The following PCDHGB7 variants were observed in gnomAD, a reference collection of about 807,000 sequenced individuals.
PCDHGB7 encodes protocadherin gamma subfamily B, 7.
In PCDHGB7, 37 loss-of-function variants were observed where a neutral mutation model predicts 61.4. The observed-to-expected ratio is 0.60, with a 90% CI of 0.46 to 0.79. The LOEUF (loss-of-function observed/expected upper bound fraction) is 0.79. Ranked by LOEUF, PCDHGB7 falls within the 30% of genes least tolerant of loss-of-function variation. PCDHGB7 has a pLI of 0.00. For missense variants in PCDHGB7, 1,166 were observed against 1,202.5 expected, an observed-to-expected ratio of 0.97 and a Z score of 0.45; for synonymous variants, 464 against 503.5, an observed-to-expected ratio of 0.92 and a Z score of 1.05.
At position 141,431,215 on chromosome 5, in the gene PCDHGB7, C is replaced by G. The variant is rs1225114172; in HGVS notation, c.2415+10941C>G. 1 of 1,614,184 alleles carries G rather than the reference C, an allele frequency of 6.2e-7. No individual in the cohort carries two copies. Among genetic ancestry groups the G allele is most frequent in the Admixed American group, 1.7e-5 (1 of 60,032 alleles). On this transcript the variant is annotated intron_variant, in intron 1 of 3. Coordinates refer to ENST00000398594, the MANE Select transcript of PCDHGB7 (RefSeq NM_018927.4). This position sits in a 1 kb window ranked among gnomAD's most constrained non-coding sequence, Gnocchi z 4.8. ...AAAATGCAGCCACTGAGATGCGGTTCCCTCTACCCCACGCCTGGGATCCGG... is the reference window on the plus strand; with the variant it reads ...AAAATGCAGCCACTGAGATGCGGTTGCCTCTACCCCACGCCTGGGATCCGG...
chr5:141,463,438 CTTTTTTTTTTT>C (rs71576115), intron 1 of PCDHGB7, among the ~76,000 whole-genome samples: 7 of 103,256 alleles, frequency 6.8e-5, no homozygotes, highest in African/African-American at 1.8e-4. Flanking sequence ...TTTCCTTCTC[CTTTTTTTTTTT>C]TTTTTTTTTT....
At chr5:141,467,768 C>T (rs2099151160) in intron 1 of PCDHGB7, among the ~76,000 whole-genome samples, 2 of 151,794 alleles carry the variant, frequency 1.3e-5, no homozygotes, top group African/African-American at 2.4e-5. Flanking sequence ...CTCAAGTGCC[C>T]GCACCTCAGC....
intron 1 of PCDHGB7, among the ~76,000 whole-genome samples, chr5:141,471,014 G>A (rs2099246573): frequency 6.7e-6 from 1 of 148,628 alleles, no homozygotes; most frequent in Non-Finnish European, 1.5e-5. Context: ...ACTGTGCCTG[G>A]TCAATCATTT....
At chr5:141,439,077 C>T (rs978045948) in intron 1 of PCDHGB7, among the ~76,000 whole-genome samples, 1 of 151,492 alleles carries the variant, frequency 6.6e-6, no homozygotes, top group Non-Finnish European at 1.5e-5. Flanking sequence ...CCTGTAATCC[C>T]AGCTACTCAG....
At chr5:141,474,557 G>T (rs1261720500) in intron 1 of PCDHGB7, among the ~76,000 whole-genome samples, 2 of 152,184 alleles carry the variant, frequency 1.3e-5, no homozygotes, top group Admixed American at 1.3e-4. Context: ...AAAACTGGGG[G>T]TTTTCAGAGA....
chr5:141,457,809 C>A (rs1404645915), intron 1 of PCDHGB7, among the ~76,000 whole-genome samples: 1 of 152,180 alleles, frequency 6.6e-6, no homozygotes, highest in Non-Finnish European at 1.5e-5. Flanking sequence ...CTCTTGAGGT[C>A]CCAAGATAAA....
At chr5:141,510,447 C>T (rs1270073364) in intron 3 of PCDHGB7, among the ~76,000 whole-genome samples, 1 of 152,026 alleles carries the variant, frequency 6.6e-6, no homozygotes, top group Non-Finnish European at 1.5e-5. Flanking sequence ...CTCCAGGAGC[C>T]CATGGTCTAG....
chr5:141,427,871 G>A (rs762885351), intron 1 of PCDHGB7: 1 of 1,559,530 alleles, frequency 6.4e-7, no homozygotes, highest in South Asian at 1.1e-5. Flanking sequence ...TCGAGCTCAC[G>A]ATGCAGGCCC....
chr5:141,485,734 C>T lies in PCDHGB7; in HGVS notation c.2416-9073C>T. ...CACTGGATGTGAAGAAGCGCAGCGACGGCAGCCTGGTCCCAGAGCTGCTCC... is the reference window on the plus strand; with the variant it reads ...CACTGGATGTGAAGAAGCGCAGCGATGGCAGCCTGGTCCCAGAGCTGCTCC... On this transcript the variant is annotated intron_variant, in intron 1 of 3. Transcript: ENST00000398594. This position sits in a 1 kb window ranked among gnomAD's most constrained non-coding sequence, Gnocchi z 5.7. The T allele has an allele frequency of 6.2e-7, 1 of 1,614,210 alleles. No individual in the cohort carries two copies. The highest frequency in any genetic ancestry group is 8.5e-7 in the Non-Finnish European group (1 of 1,180,028).
chr5:141,449,854 T>C (rs769118919), intron 1 of PCDHGB7, among the ~76,000 whole-genome samples: 7 of 151,974 alleles, frequency 4.6e-5, no homozygotes, highest in South Asian at 4.1e-4. Context: ...ATTTTAATAA[T>C]AAAAATCAGA....
intron 2 of PCDHGB7, among the ~76,000 whole-genome samples, chr5:141,501,290 TACACACACACACACACACACAC>T (rs55762287): frequency 1.4e-4 from 19 of 136,248 alleles, no homozygotes; most frequent in Admixed American, 1.1e-3. Context: ...TATTCCCTTA[TACACACACACACACACACACAC>T]ACACACACAC....
chr5:141,512,702 C>T lies in PCDHGB7; in HGVS notation c.*1529C>T, dbSNP rs940927635. 2.0e-5 allele frequency: 3 copies of T among 152,828 alleles called. No homozygotes were observed. Among genetic ancestry groups the T allele is most frequent in the Non-Finnish European group, 2.9e-5 (2 of 68,560 alleles). The allele number at this position is 152,828 out of a possible 1,614,324, so 9.5% of individuals were successfully genotyped here. ...ATAGCCAGTAGTGTAGTGCGGTGTG[C>T]TTTTACGTGATGGCGGGTGGGCAGC... On this transcript the variant is annotated 3_prime_UTR_variant, in exon 4 of 4. Transcript: ENST00000398594.
intron 1 of PCDHGB7, among the ~76,000 whole-genome samples, chr5:141,467,931 T>C (rs771009105): frequency 1.3e-5 from 2 of 151,966 alleles, no homozygotes; most frequent in Non-Finnish European, 2.9e-5. Flanking sequence ...AATGCTAGGA[T>C]TACAAGCATG....
At chr5:141,423,967 A>C (rs760284844) in intron 1 of PCDHGB7, 11 of 1,153,498 alleles carry the variant, frequency 9.5e-6, no homozygotes, top group Non-Finnish European at 1.2e-5. Flanking sequence ...TTTTTCTATT[A>C]TCAGTGTATG....
chr5:141,511,135 G>A lies in PCDHGB7; in HGVS notation c.2752G>A (p.Gly918Ser), dbSNP rs200541479. Residue 918 changes from glycine to serine, a missense_variant, in exon 4 of 4, where the codon GGC becomes AGC. Physicochemically the swap from Gly to Ser is moderately conservative, Grantham distance 56. Coordinates refer to ENST00000398594, the MANE Select transcript of PCDHGB7 (RefSeq NM_018927.4). The stretch of plus-strand genomic sequence containing the variant: ...TGGCAAGGCCCCAGCAGGTGGCAAT[G>A]GCAACAAGAAGAAGTCGGGCAAGAA... ...RDGKAPAGGN[G>S]NKKKSGKKEK... 2.8e-4 allele frequency: 448 copies of A among 1,614,188 alleles called. No homozygotes were observed. Among genetic ancestry groups the A allele is most frequent in the Non-Finnish European group, 3.0e-4 (352 of 1,180,016 alleles).
intron 1 of PCDHGB7, among the ~76,000 whole-genome samples, chr5:141,449,290 G>A (rs1255760925): frequency 1.3e-5 from 2 of 151,934 alleles, no homozygotes; most frequent in Admixed American, 6.6e-5. Context: ...CGGATGCACC[G>A]GGTGAATTAT....
rs770294020 is a variant in PCDHGB7 at position 141,418,848 on chromosome 5, G to C, written c.989G>C (p.Arg330Pro). The C allele has an allele frequency of 6.2e-7, 1 of 1,613,836 alleles. No homozygotes were observed. Among genetic ancestry groups the C allele is most frequent in the Non-Finnish European group, 8.5e-7 (1 of 1,179,876 alleles). ...AAAGACCGAGGATCTCTCTCAACAC[G>C]GTGTAAAGTAATTGTAGAAGTTGTA... ...EAKDRGSLST[R>P]CKVIVEVVDE... Residue 330 changes from arginine (R) to proline (P), a missense_variant, in exon 1 of 4, where the codon CGG (arginine) becomes CCG (proline). Physicochemically the swap from Arg to Pro is moderately radical, Grantham distance 103. Coordinates refer to ENST00000398594, the MANE Select transcript of PCDHGB7 (RefSeq NM_018927.4).
At chr5:141,459,945 G>T (rs113794146) in intron 1 of PCDHGB7, among the ~76,000 whole-genome samples, 54 of 152,164 alleles carry the variant, frequency 3.5e-4, no homozygotes, top group Middle Eastern at 3.2e-3. Flanking sequence ...GGGCGTGATG[G>T]CAGGTGCCTG....
Position 141,492,511 on chromosome 5 carries a change from C to T in PCDHGB7, c.2416-2296C>T, listed in dbSNP as rs58889912. Among the ~76,000 whole-genome samples the T allele has an allele frequency of 1.7e-3, 262 of 152,326 alleles. 2 individuals are homozygous for T. The highest frequency in any genetic ancestry group is 6.0e-3 in the African/African-American group (249 of 41,582). On this transcript the variant is annotated intron_variant, in intron 1 of 3. Coordinates refer to ENST00000398594, the MANE Select transcript of PCDHGB7 (RefSeq NM_018927.4). Reference sequence around the variant, plus strand: ...CCAGGCGAGGACTCCGGAGCCTCCTCTCACCTCTCCCACCTGCGCCCCGGG... The same window carrying T: ...CCAGGCGAGGACTCCGGAGCCTCCTTTCACCTCTCCCACCTGCGCCCCGGG...
Sources: gnomAD v4.1 joint callset for allele counts (sites outside exome capture counted in the v4.1 genomes callset) on GRCh38, gnomAD v4.1.1 for gene constraint, Gnocchi (gnomAD v3.1) non-coding constraint, MANE v1.5 for transcripts, NCBI Gene and HGNC (gene_info 2026-07-23, HGNC 2026-07-21) for gene names.